KCNAB1: variants seen among roughly 807,000 people sequenced by gnomAD.
KCNAB1 encodes voltage-gated potassium channel subunit beta-1.
A neutral mutation model predicts 64.6 loss-of-function variants in KCNAB1; 35 were observed. That is an observed-to-expected ratio of 0.54 (90% CI 0.41 to 0.72). KCNAB1 has a LOEUF of 0.72. Ranked by LOEUF, KCNAB1 falls within the 30% of genes least tolerant of loss-of-function variation. The probability of loss-of-function intolerance (pLI) is 0.00; values close to 1 mark genes in which losing one functional copy is unlikely to be tolerated. For synonymous variants in KCNAB1, 177 were observed against 183.8 expected (o/e 0.96, Z 0.30); for missense variants, 401 against 512.9 (o/e 0.78, Z 2.11).
chr3:156,533,766 AGAGG>A (rs1559935032), intron 13 of KCNAB1, among the ~76,000 whole-genome samples: 1 of 152,082 alleles, frequency 6.6e-6, no homozygotes, highest in Non-Finnish European at 1.5e-5. Context: ...GCTTGGCAGA[AGAGG>A]GAGGAATTGA....
At chr3:156,312,203 A>T (rs1721955912) in intron 1 of KCNAB1, among the ~76,000 whole-genome samples, 1 of 152,232 alleles carries the variant, frequency 6.6e-6, no homozygotes, top group Non-Finnish European at 1.5e-5. Context: ...TGAGTAAAAT[A>T]GGCGACAGGT....
intron 1 of KCNAB1, among the ~76,000 whole-genome samples, chr3:156,162,816 C>T (rs1227764315): frequency 6.6e-6 from 1 of 152,170 alleles, no homozygotes; most frequent in Non-Finnish European, 1.5e-5. Context: ...CTCTTTACCT[C>T]CTTCATTTGA....
At chr3:156,299,068 T>C (rs987209514) in intron 1 of KCNAB1, among the ~76,000 whole-genome samples, 6 of 152,256 alleles carry the variant, frequency 3.9e-5, no homozygotes, top group African/African-American at 1.4e-4. Flanking sequence ...GGCCAGTTAG[T>C]TCCTTGGTCA....
At chr3:156,291,836 C>A in intron 1 of KCNAB1, 2 of 1,600,218 alleles carry the variant, frequency 1.2e-6, no homozygotes, top group East Asian at 2.2e-5. Context: ...GAAATCCCCG[C>A]AACTGCTCAA....
chr3:156,161,860 T>C (rs1560114243), intron 1 of KCNAB1, among the ~76,000 whole-genome samples: 1 of 152,242 alleles, frequency 6.6e-6, no homozygotes, highest in South Asian at 2.1e-4. Flanking sequence ...TACATAATAG[T>C]ATTATCTACA....
intron 1 of KCNAB1, among the ~76,000 whole-genome samples, chr3:156,179,048 T>C (rs550967159): frequency 1.1e-4 from 16 of 148,342 alleles, no homozygotes; most frequent in African/African-American, 3.3e-4. Context: ...TTTAACTAAG[T>C]AATTGTAATG....
chr3:156,281,439 G>A lies in KCNAB1; in HGVS notation c.276-140177G>A, dbSNP rs1383753342. Among the ~76,000 whole-genome samples the A allele has an allele frequency of 2.7e-5, 4 of 149,588 alleles. No individual in the cohort carries two copies. The East Asian group carries it at 7.8e-4, about 29-fold the overall frequency. ...GTCTAAAATTCTCTTTTTTTGTTGT[G>A]TCTCTGCCTGGCTTTGGTATCAGAA... On this transcript the variant is annotated intron_variant, in intron 1 of 13. Transcript: ENST00000490337.
At chr3:156,502,790 T>C (rs1716538527) in intron 8 of KCNAB1, among the ~76,000 whole-genome samples, 1 of 152,204 alleles carries the variant, frequency 6.6e-6, no homozygotes, top group Non-Finnish European at 1.5e-5. Context: ...GCTAAGAGGA[T>C]CAGTGTCCTA....
At chr3:156,297,759 C>T (rs187161031) in intron 1 of KCNAB1, among the ~76,000 whole-genome samples, 94 of 150,828 alleles carry the variant, frequency 6.2e-4, no homozygotes, top group African/African-American at 2.0e-3. Context: ...GCACTTAGCG[C>T]GTGTGTGTGT....
chr3:156,199,214 T>C (rs1025388183), intron 1 of KCNAB1, among the ~76,000 whole-genome samples: 3 of 152,230 alleles, frequency 2.0e-5, no homozygotes, highest in African/African-American at 7.2e-5. Flanking sequence ...CTTCCCTTTG[T>C]AGGTAACCTG....
chr3:156,247,672 C>G (rs1717543288), intron 1 of KCNAB1, among the ~76,000 whole-genome samples: 2 of 152,250 alleles, frequency 1.3e-5, no homozygotes, highest in South Asian at 4.1e-4. Flanking sequence ...AGGTGATCCT[C>G]CCACCTCAGC....
At chr3:156,254,781 G>A (rs1193096270) in intron 1 of KCNAB1, among the ~76,000 whole-genome samples, 1 of 152,142 alleles carries the variant, frequency 6.6e-6, no homozygotes, top group Non-Finnish European at 1.5e-5. Context: ...ACTTTGTAAT[G>A]GTTGGTCCGA....
intron 1 of KCNAB1, among the ~76,000 whole-genome samples, chr3:156,259,725 A>C (rs1718317757): frequency 6.6e-6 from 1 of 152,064 alleles, no homozygotes; most frequent in African/African-American, 2.4e-5. Context: ...TCTTTGGGAC[A>C]CTCTGCTGTG....
chr3:156,506,573 G>A (rs1716849721), intron 8 of KCNAB1, among the ~76,000 whole-genome samples: 1 of 152,186 alleles, frequency 6.6e-6, no homozygotes, highest in Admixed American at 6.5e-5. Context: ...GCTACAGGGT[G>A]GAGGAAAATG....
intron 1 of KCNAB1, among the ~76,000 whole-genome samples, chr3:156,284,640 C>T (rs535017840): frequency 5.3e-5 from 8 of 152,314 alleles, no homozygotes; most frequent in South Asian, 4.1e-4. Flanking sequence ...ATAGGACCCT[C>T]GGAGCCAGGT....
intron 6 of KCNAB1, among the ~76,000 whole-genome samples, chr3:156,465,104 G>T (rs1713263852): frequency 6.6e-6 from 1 of 152,136 alleles, no homozygotes; most frequent in Admixed American, 6.5e-5. Flanking sequence ...AATTGGGAAG[G>T]CAAAAGTCCT....
At chr3:156,531,913 TCC>T (rs1227324284) in intron 13 of KCNAB1, among the ~76,000 whole-genome samples, 1 of 152,110 alleles carries the variant, frequency 6.6e-6, no homozygotes, top group African/African-American at 2.4e-5. Context: ...CATCTTGTAT[TCC>T]CCCTCCCATG....
At chr3:156,488,529 G>A (rs994306017) in intron 8 of KCNAB1, among the ~76,000 whole-genome samples, 3 of 152,120 alleles carry the variant, frequency 2.0e-5, no homozygotes, top group Non-Finnish European at 4.4e-5. Flanking sequence ...CTGCAGCAGA[G>A]TAAGGAAGGG....
chr3:156,415,661 C>G (rs1018743313), intron 1 of KCNAB1, among the ~76,000 whole-genome samples: 24 of 152,318 alleles, frequency 1.6e-4, no homozygotes, highest in African/African-American at 5.1e-4. Context: ...CAGACACTTT[C>G]CTGATCTCCA....
Sources: allele counts gnomAD v4.1 joint callset (sites outside exome capture counted in the v4.1 genomes callset), GRCh38; gene constraint gnomAD v4.1.1; transcripts MANE v1.5; gene names NCBI Gene and HGNC (gene_info 2026-07-23, HGNC 2026-07-21).